SPACA7: variants seen among roughly 807,000 people sequenced by gnomAD.
SPACA7 encodes sperm acrosome associated 7.
SPACA7 carries 19 observed loss-of-function variants against 26.3 expected under a neutral mutation model. The ratio of observed to expected loss-of-function variants is 0.72; its 90% confidence interval spans 0.50 to 1.06. SPACA7 has a LOEUF of 1.06. Among genes scored for constraint, SPACA7 ranks in the 50% least tolerant of loss-of-function variants. The pLI is 0.00. For missense variants in SPACA7, 211 were observed against 229.9 expected, an observed-to-expected ratio of 0.92 and a Z score of 0.53; for synonymous variants, 84 against 84.5, an observed-to-expected ratio of 0.99 and a Z score of 0.04.
chr13:112,404,001 C>G (rs1221471560), intron 5 of SPACA7, among the ~76,000 whole-genome samples: 1 of 152,214 alleles, frequency 6.6e-6, no homozygotes, highest in African/African-American at 2.4e-5. Context: ...AATCTCCACA[C>G]TGTTTTCCAT....
chr13:112,390,277 C>T (rs1325519385), intron 1 of SPACA7, among the ~76,000 whole-genome samples: 2 of 152,042 alleles, frequency 1.3e-5, no homozygotes, highest in African/African-American at 2.4e-5. Flanking sequence ...GAGATCTGGG[C>T]CATGGCCACT....
At chr13:112,392,144 G>T (rs1019766219) in intron 1 of SPACA7, among the ~76,000 whole-genome samples, 3 of 152,184 alleles carry the variant, frequency 2.0e-5, no homozygotes, top group Non-Finnish European at 4.4e-5. Flanking sequence ...CCTTGACCTT[G>T]AGCCAAAGCA....
intron 1 of SPACA7, 58 bp downstream of exon 1, chr13:112,376,537 G>A (rs994410476): frequency 9.5e-5 from 148 of 1,558,368 alleles, no homozygotes; most frequent in Admixed American, 2.6e-4. Context: ...GGGGAGCGGC[G>A]GCCTCTTCTC....
chr13:112,434,598 C>T lies in SPACA7; in HGVS notation c.*49C>T, dbSNP rs1386421747. 6.8e-7 allele frequency: 1 copy of T among 1,478,232 alleles called. No individual in the cohort carries two copies. The highest frequency in any genetic ancestry group is 1.9e-5 in the Admixed American group (1 of 52,360). The allele number at this position is 1,478,232 out of a possible 1,614,324, so 91.6% of individuals were successfully genotyped here. On this transcript the variant is annotated 3_prime_UTR_variant, in exon 7 of 7. Coordinates refer to ENST00000283550, the MANE Select transcript of SPACA7 (RefSeq NM_145248.5). ...GCAGGAGAGGAGCCTGCTAGAACCC[C>T]CACCCACCAGCCTCCGGAACAGGGC... is the stretch of plus-strand genomic sequence containing the variant.
At chr13:112,382,481 G>A (rs529892628) in intron 1 of SPACA7, 35 of 1,550,444 alleles carry the variant, frequency 2.3e-5, no homozygotes, top group Middle Eastern at 1.7e-4. Context: ...GACAGGGGAC[G>A]TAGTGGGAAT....
rs188430226 is a variant in SPACA7 at position 112,423,981 on chromosome 13, T to C, written c.446-8463T>C. Among the ~76,000 whole-genome samples, 203 of 152,272 alleles carry C rather than the reference T, an allele frequency of 1.3e-3. 1 individual carries two copies. Among genetic ancestry groups the C allele is most frequent in the African/African-American group, 4.5e-3 (185 of 41,558 alleles). Reference sequence around the variant, plus strand: ...GAAGTATCTGCCAGTGAGAGCAAAATAGACTTTGCTGGAAAAGGCCAAGCG... The same window carrying C: ...GAAGTATCTGCCAGTGAGAGCAAAACAGACTTTGCTGGAAAAGGCCAAGCG... On this transcript the variant is annotated intron_variant, in intron 5 of 6. Coordinates refer to ENST00000283550, the MANE Select transcript of SPACA7 (RefSeq NM_145248.5).
intron 5 of SPACA7, among the ~76,000 whole-genome samples, chr13:112,402,307 G>A (rs534317369): frequency 2.6e-5 from 4 of 152,280 alleles, no homozygotes; most frequent in African/African-American, 9.6e-5. Flanking sequence ...GCTATTAGAA[G>A]CAAGATTTTA....
chr13:112,412,805 C>G (rs1294423364), intron 5 of SPACA7, among the ~76,000 whole-genome samples: 1 of 152,180 alleles, frequency 6.6e-6, no homozygotes, highest in South Asian at 2.1e-4. Context: ...ATTCTGTCTC[C>G]TTGGTCTATG....
chr13:112,418,496 C>T (rs1425748655), intron 5 of SPACA7, among the ~76,000 whole-genome samples: 1 of 152,168 alleles, frequency 6.6e-6, no homozygotes, highest in African/African-American at 2.4e-5. Flanking sequence ...TAAGCCTGTA[C>T]CACATGGGGA....
At chr13:112,419,074 G>A (rs1451785032) in intron 5 of SPACA7, among the ~76,000 whole-genome samples, 1 of 151,614 alleles carries the variant, frequency 6.6e-6, no homozygotes, top group Non-Finnish European at 1.5e-5. Flanking sequence ...ATAATAAAAA[G>A]TGGGATCATC....
intron 5 of SPACA7, among the ~76,000 whole-genome samples, chr13:112,406,655 G>A (rs1886007851): frequency 6.6e-6 from 1 of 152,116 alleles, no homozygotes; most frequent in Admixed American, 6.5e-5. Flanking sequence ...ACACTACAAT[G>A]AGATATTACC....
chr13:112,394,242 C>T (rs368772562), intron 2 of SPACA7, among the ~76,000 whole-genome samples: 3 of 152,276 alleles, frequency 2.0e-5, no homozygotes. Flanking sequence ...AACTGAGGCC[C>T]AGAATGCTGG....
At chr13:112,383,098 GAA>G (rs1491303437) in intron 1 of SPACA7, among the ~76,000 whole-genome samples, 1 of 37,304 alleles carries the variant, frequency 2.7e-5, no homozygotes, top group Non-Finnish European at 5.2e-5. Context: ...AAGAAAGAAA[GAA>G]GAAAGAAAAG....
chr13:112,412,300 T>C (rs2139008097), intron 5 of SPACA7, among the ~76,000 whole-genome samples: 1 of 151,884 alleles, frequency 6.6e-6, no homozygotes, highest in South Asian at 2.1e-4. Flanking sequence ...TGTTTTTTGT[T>C]TTTTGTTTTG....
At chr13:112,392,894 G>T (rs1166164986) in intron 1 of SPACA7, 127 bp from the exon 2 acceptor site, 1 of 643,692 alleles carries the variant, frequency 1.6e-6, no homozygotes, top group Admixed American at 2.8e-5. Flanking sequence ...GGAGAGACTG[G>T]AACTTGGGCA....
chr13:112,410,664 G>A (rs138114310), intron 5 of SPACA7, among the ~76,000 whole-genome samples: 4 of 152,162 alleles, frequency 2.6e-5, no homozygotes, highest in African/African-American at 9.6e-5. Context: ...GTACTGGGGA[G>A]GATGTAGAGA....
At chr13:112,411,941 T>C (rs1034280256) in intron 5 of SPACA7, among the ~76,000 whole-genome samples, 1 of 152,158 alleles carries the variant, frequency 6.6e-6, no homozygotes, top group Non-Finnish European at 1.5e-5. Context: ...CTGATTTGCT[T>C]TCTTTTAGAC....
chr13:112,400,871 GT>G (rs1885594372), intron 4 of SPACA7, among the ~76,000 whole-genome samples, 197 bp from the exon 5 acceptor site: 1 of 152,222 alleles, frequency 6.6e-6, no homozygotes, highest in Non-Finnish European at 1.5e-5. Context: ...GTGTGGAGGA[GT>G]GAATATGTAG....
chr13:112,426,770 T>C (rs948891845), intron 5 of SPACA7, among the ~76,000 whole-genome samples: 2 of 152,262 alleles, frequency 1.3e-5, no homozygotes, highest in African/African-American at 4.8e-5. Flanking sequence ...ACTCACTCTT[T>C]AGTTCCAGTA....
Sources: allele counts gnomAD v4.1 joint callset (sites outside exome capture counted in the v4.1 genomes callset), GRCh38; gene constraint gnomAD v4.1.1; transcripts MANE v1.5; gene names NCBI Gene and HGNC (gene_info 2026-07-23, HGNC 2026-07-21).